The following ST7 variants were observed in gnomAD, a reference collection of about 807,000 sequenced individuals.
The protein encoded by ST7 is suppressor of tumorigenicity 7 protein.
A neutral mutation model predicts 78.7 loss-of-function variants in ST7; 28 were observed. The ratio of observed to expected loss-of-function variants is 0.36; its 90% CI spans 0.26 to 0.49. The LOEUF is 0.49. ST7 is among the 20% of genes least tolerant of loss of function. ST7 has a pLI of 0.99. For missense variants in ST7, 418 were observed against 696.0 expected (o/e 0.60, Z 4.49); for synonymous variants, 247 against 249.6 (o/e 0.99, Z 0.10).
chr7:117,222,108 G>A, intron 15 of ST7, 46 bp downstream of exon 15: 1 of 1,568,344 alleles, frequency 6.4e-7, no homozygotes. Flanking sequence ...GATGGGGAAA[G>A]CCAAGGGCAT....
intron 13 of ST7, among the ~76,000 whole-genome samples, chr7:117,214,609 G>A (rs1792543867): frequency 6.6e-6 from 1 of 152,016 alleles, no homozygotes; most frequent in Non-Finnish European, 1.5e-5. Context: ...AGCAATGATA[G>A]GCTAAAGTCG....
At chr7:117,158,624 G>C (rs1054627948) in intron 9 of ST7, among the ~76,000 whole-genome samples, 5 of 152,138 alleles carry the variant, frequency 3.3e-5, no homozygotes, top group African/African-American at 1.2e-4. Flanking sequence ...TTAATATTTA[G>C]ATTAGTTGTG....
In ST7 at chr7:117,134,105, T is replaced by A; in HGVS notation, c.642-19T>A. 6.2e-7 allele frequency: 1 copy of A among 1,610,196 alleles called. No individual in the cohort carries two copies. The highest frequency in any genetic ancestry group is 1.3e-5 in the African/African-American group (1 of 74,792). On this transcript the variant is annotated intron_variant, in intron 6 of 15. Coordinates refer to ENST00000323984, the MANE Select transcript of ST7 (RefSeq NM_001369598.1). The stretch of plus-strand genomic sequence containing the variant: ...CTATCAATTTTCATTTTACCAACTA[T>A]TTTTTTCTTCTTGGTCAGAATTAGG...
intron 1 of ST7, among the ~76,000 whole-genome samples, chr7:116,999,102 C>T (rs1036292271): frequency 3.3e-5 from 5 of 152,204 alleles, no homozygotes; most frequent in South Asian, 2.1e-4. Context: ...TGTGGTGGAA[C>T]GTGGTTGGAA....
intron 1 of ST7, chr7:117,020,709 C>T (rs1795855036): frequency 1.3e-6 from 2 of 1,538,096 alleles, no homozygotes; most frequent in South Asian, 1.2e-5. Context: ...GTTCATATCA[C>T]TTTGCCTTAG....
chr7:117,193,150 T>TACTCACACACACACACAC (rs1809958844), intron 12 of ST7, among the ~76,000 whole-genome samples: 1 of 144,850 alleles, frequency 6.9e-6, no homozygotes, highest in African/African-American at 2.6e-5. Context: ...CTTTAGCAGA[T>TACTCACACACACACACAC]ACACACACAC....
intron 2 of ST7, among the ~76,000 whole-genome samples, chr7:117,111,601 C>T (rs1802436844): frequency 6.6e-6 from 1 of 152,236 alleles, no homozygotes; most frequent in Non-Finnish European, 1.5e-5. Context: ...GTTATACCAT[C>T]TAGCTCACTC....
intron 12 of ST7, among the ~76,000 whole-genome samples, chr7:117,207,818 GA>G (rs1240017567): frequency 5.3e-5 from 8 of 152,190 alleles, no homozygotes; most frequent in Non-Finnish European, 1.5e-5. Context: ...CATTAGGCCA[GA>G]AATTTCCCTT....
At chr7:117,183,267 A>G (rs574746635) in intron 10 of ST7, among the ~76,000 whole-genome samples, 2 of 152,128 alleles carry the variant, frequency 1.3e-5, no homozygotes, top group East Asian at 3.9e-4. Context: ...CTCTACTAAA[A>G]ATACAAAAAT....
chr7:117,129,956 T>C (rs1341749416), intron 4 of ST7, 109 bp downstream of exon 4: 1 of 747,614 alleles, frequency 1.3e-6, no homozygotes, highest in Admixed American at 2.8e-5. Context: ...GTCTATGTAG[T>C]GCGTCCATTT....
chr7:117,002,097 G>A (rs1794958198), intron 1 of ST7, among the ~76,000 whole-genome samples: 1 of 151,982 alleles, frequency 6.6e-6, no homozygotes, highest in Admixed American at 6.5e-5. Context: ...GCATGGTGGT[G>A]CATGCCTATA....
At chr7:117,207,285 A>C (rs1791854896) in intron 12 of ST7, among the ~76,000 whole-genome samples, 1 of 151,964 alleles carries the variant, frequency 6.6e-6, no homozygotes, top group South Asian at 2.1e-4. Context: ...CTGGGATTGT[A>C]GGCACCCACC....
chr7:117,186,535 C>G (rs963790629), intron 10 of ST7, among the ~76,000 whole-genome samples: 7 of 152,154 alleles, frequency 4.6e-5, no homozygotes, highest in African/African-American at 1.7e-4. Flanking sequence ...ATAAATTATT[C>G]ATTTCTGGAA....
At chr7:117,040,777 A>G (rs559798319) in intron 1 of ST7, among the ~76,000 whole-genome samples, 4 of 152,342 alleles carry the variant, frequency 2.6e-5, no homozygotes, top group Admixed American at 2.6e-4. Context: ...AGGCTTCCAT[A>G]TTTGCATTTA....
At chr7:117,136,263 G>A (rs1423516655) in intron 8 of ST7, 28 bp downstream of exon 8, 6 of 1,613,168 alleles carry the variant, frequency 3.7e-6, no homozygotes, top group Non-Finnish European at 5.1e-6. Flanking sequence ...TTGATGCATT[G>A]GGGGATCAGA....
At chr7:117,037,254 T>G (rs185744276) in intron 1 of ST7, among the ~76,000 whole-genome samples, 167 of 152,338 alleles carry the variant, frequency 1.1e-3, no homozygotes, top group African/African-American at 3.9e-3. Context: ...ATTTTTATGT[T>G]ATGCCCTTAA....
intron 2 of ST7, among the ~76,000 whole-genome samples, chr7:117,104,703 T>C (rs1019037148): frequency 6.6e-6 from 1 of 152,170 alleles, no homozygotes; most frequent in Non-Finnish European, 1.5e-5. Flanking sequence ...ATAGCCAAAA[T>C]TTAGAATCAA....
chr7:116,956,036 A>G (rs1421561681), intron 1 of ST7, among the ~76,000 whole-genome samples: 2 of 152,210 alleles, frequency 1.3e-5, no homozygotes, highest in African/African-American at 4.8e-5. Flanking sequence ...ATGAGAGGGT[A>G]GCAGGATCTG....
chr7:116,958,737 C>T (rs759578848), intron 1 of ST7: 3 of 469,394 alleles, frequency 6.4e-6, no homozygotes, highest in Non-Finnish European at 1.3e-5. Flanking sequence ...GTTATAGTCA[C>T]ACTATATTGT....
Sources: gnomAD v4.1 joint callset for allele counts (sites outside exome capture counted in the v4.1 genomes callset) on GRCh38, gnomAD v4.1.1 for gene constraint, MANE v1.5 for transcripts, NCBI Gene and HGNC (gene_info 2026-07-23, HGNC 2026-07-21) for gene names.